Variants in DUSP16 observed in about 807,000 individuals in gnomAD.
DUSP16 encodes the protein dual specificity phosphatase 16, also known as dual specificity protein phosphatase 16.
Under a neutral mutation model 58.3 loss-of-function variants are expected in DUSP16, and 21 were observed. That is an observed-to-expected ratio of 0.36 (90% CI 0.26 to 0.52). The LOEUF (loss-of-function observed/expected upper bound fraction) is 0.52, where lower values mean the gene tolerates loss of function less well. Ranked by LOEUF, DUSP16 falls within the 20% of genes least tolerant of loss-of-function variation. The pLI, the probability that DUSP16 is intolerant of heterozygous loss-of-function variation, is 0.94. For missense variants in DUSP16, 726 were observed against 819.0 expected, an observed-to-expected ratio of 0.89 and a Z score of 1.39; for synonymous variants, 320 against 323.8, an observed-to-expected ratio of 0.99 and a Z score of 0.12.
intron 3 of DUSP16, among the ~76,000 whole-genome samples, chr12:12,509,772 T>A (rs187940652): frequency 3.4e-4 from 52 of 152,276 alleles, no homozygotes; most frequent in Non-Finnish European, 2.9e-4. Flanking sequence ...AATGAATAGC[T>A]GTTGATGGAC....
At chr12:12,525,019 T>A (rs1944284038) in intron 1 of DUSP16, among the ~76,000 whole-genome samples, 1 of 152,202 alleles carries the variant, frequency 6.6e-6, no homozygotes, top group Non-Finnish European at 1.5e-5. Context: ...GTAACAACTT[T>A]TAGTAGTCTC....
chr12:12,504,420 C>T (rs532319572), intron 3 of DUSP16, among the ~76,000 whole-genome samples: 1 of 152,116 alleles, frequency 6.6e-6, no homozygotes, highest in East Asian at 1.9e-4. Context: ...CACCACCACG[C>T]CCAGCTAATT....
chr12:12,533,080 G>A (rs1433841142), intron 1 of DUSP16, among the ~76,000 whole-genome samples: 1 of 152,138 alleles, frequency 6.6e-6, no homozygotes, highest in African/African-American at 2.4e-5. Context: ...GGTGGGGGAA[G>A]TGAGAAAAAT....
chr12:12,525,989 C>G (rs1332251355), intron 1 of DUSP16, among the ~76,000 whole-genome samples: 10 of 152,042 alleles, frequency 6.6e-5, no homozygotes, highest in Non-Finnish European at 1.3e-4. Context: ...TAAAGGATAA[C>G]CTAAAGTCAG....
At chr12:12,484,616 A>AT (rs1291500853) in intron 5 of DUSP16, among the ~76,000 whole-genome samples, 1 of 151,732 alleles carries the variant, frequency 6.6e-6, no homozygotes, top group Non-Finnish European at 1.5e-5. Flanking sequence ...ACCGTAATTT[A>AT]TTTTTTTTAT....
chr12:12,556,651 A>G (rs1944810681), intron 1 of DUSP16, among the ~76,000 whole-genome samples: 1 of 152,228 alleles, frequency 6.6e-6, no homozygotes, highest in African/African-American at 2.4e-5. Context: ...TCAGAAGAAC[A>G]AAATGTGCCC....
chr12:12,544,831 TTC>T (rs1421507409), intron 1 of DUSP16, among the ~76,000 whole-genome samples: 2 of 152,202 alleles, frequency 1.3e-5, no homozygotes, highest in Non-Finnish European at 2.9e-5. Context: ...AAAATTAGTT[TTC>T]TTTTTCTTTT....
At chr12:12,545,015 G>A (rs1219139149) in intron 1 of DUSP16, among the ~76,000 whole-genome samples, 1 of 152,068 alleles carries the variant, frequency 6.6e-6, no homozygotes. Context: ...TCAATAGTGT[G>A]AATCCTACAA....
intron 6 of DUSP16, among the ~76,000 whole-genome samples, chr12:12,479,985 T>C (rs1162789350): frequency 2.0e-5 from 3 of 152,216 alleles, no homozygotes; most frequent in Non-Finnish European, 4.4e-5. Flanking sequence ...CTGTTGTTCC[T>C]TAAACATAAA....
Position 12,511,831 on chromosome 12 carries a change from G to A in DUSP16, c.367+8031C>T, listed in dbSNP as rs181458059. ...CCCATCAAATATTGAGAGGCTGAGT[G>A]AGTGAAAGGGCTGAAGAATATGCTG... On this transcript the variant is annotated intron_variant, in intron 3 of 6. Transcript: ENST00000298573. 1.4e-3 allele frequency among the ~76,000 whole-genome samples: 212 copies of A among 151,816 alleles called. 1 individual carries two copies. Among genetic ancestry groups the A allele is most frequent in the Non-Finnish European group, 3.2e-4 (22 of 67,928 alleles).
chr12:12,540,267 G>C (rs1344501541), intron 1 of DUSP16, among the ~76,000 whole-genome samples: 4 of 152,022 alleles, frequency 2.6e-5, no homozygotes, highest in Non-Finnish European at 5.9e-5. Flanking sequence ...GGGAGATAGA[G>C]GTTGCAGTGA....
In DUSP16 at chr12:12,476,303, T is replaced by G. The variant is rs975438479; in HGVS notation, c.*530A>C. 6.5e-6 allele frequency: 1 copy of G among 153,386 alleles called. No homozygotes were observed. Among genetic ancestry groups the G allele is most frequent in the Non-Finnish European group, 1.5e-5 (1 of 68,678 alleles). The allele number at this position is 153,386 out of a possible 1,614,324, so 9.5% of individuals were successfully genotyped here. ...TCCGTCCAGCAGAGTGATGCTCGTG[T>G]CCCTCGGCTGTCAGGTGAGCGTGGG... On this transcript the variant is annotated 3_prime_UTR_variant, in exon 7 of 7. Transcript: ENST00000298573.
intron 1 of DUSP16, among the ~76,000 whole-genome samples, chr12:12,533,817 T>TC (rs1238314380): frequency 2.0e-5 from 3 of 152,240 alleles, no homozygotes; most frequent in African/African-American, 7.2e-5. Context: ...CACTTGACAT[T>TC]CCCCAAGCCT....
At chr12:12,512,907 G>A (rs753597139) in intron 3 of DUSP16, among the ~76,000 whole-genome samples, 1 of 152,214 alleles carries the variant, frequency 6.6e-6, no homozygotes, top group African/African-American at 2.4e-5. Context: ...CTAGATAACA[G>A]AATTTATGGT....
Position 12,500,560 on chromosome 12 carries a change from G to A in DUSP16, c.490C>T (p.Pro164Ser). 1 of 1,611,924 alleles carries A rather than the reference G, an allele frequency of 6.2e-7. No homozygotes were observed. The highest frequency in any genetic ancestry group is 8.5e-7 in the Non-Finnish European group (1 of 1,179,134). ...VANIGPTRIL[P>S]NLYLGCQRDV... ...CGCTGGCAGCCAAGATAAAGATTGG[G>A]AAGAATTCGGGTTGGCCCAATGTTG... The change falls in exon 4 of 7, where the codon CCC becomes TCC. Residue 164 changes from proline (P) to serine (S), a missense_variant. Pro to Ser is a moderately conservative substitution (Grantham distance 74). Coordinates refer to ENST00000298573, the MANE Select transcript of DUSP16 (RefSeq NM_030640.3).
Position 12,476,805 on chromosome 12 carries a change from T to C in DUSP16, c.*28A>G, listed in dbSNP as rs376039829. 7.9e-6 allele frequency: 12 copies of C among 1,527,738 alleles called. No homozygotes were observed. Among genetic ancestry groups the C allele is most frequent in the Non-Finnish European group, 1.0e-5 (12 of 1,146,500 alleles). 94.6% of individuals were successfully genotyped at this position (1,527,738 alleles called of 1,614,324 possible). ...TTTTGTGAACAAGAAAAAAAAATTG[T>C]CTATAGAAGTCACAAGTGTCTTTCT... On this transcript the variant is annotated 3_prime_UTR_variant, in exon 7 of 7. Transcript: ENST00000298573.
rs1275293274 is a variant in DUSP16, at chr12:12,521,321, C to T, written c.-223G>A. The T allele has an allele frequency of 7.1e-7, 1 of 1,408,736 alleles. No individual in the cohort carries two copies. Among genetic ancestry groups the T allele is most frequent in the Non-Finnish European group, 9.2e-7 (1 of 1,083,450 alleles). The allele number at this position is 1,408,736 out of a possible 1,614,324, so 87.3% of individuals were successfully genotyped here. On this transcript the variant is annotated 5_prime_UTR_variant, in exon 2 of 7. In the 5' UTR this introduces an upstream ATG that the reference lacks. Coordinates refer to ENST00000298573, the MANE Select transcript of DUSP16 (RefSeq NM_030640.3). The stretch of plus-strand genomic sequence containing the variant: ...GTGCTCTTGCAAAGGACTCCGTCCA[C>T]AAAGCAGCCCCTCACATTTGATTCA...
chr12:12,513,028 G>A (rs150016639), intron 3 of DUSP16, among the ~76,000 whole-genome samples: 1 of 152,286 alleles, frequency 6.6e-6, no homozygotes, highest in East Asian at 1.9e-4. Context: ...TTATTACACA[G>A]AACTGTCATC....
chr12:12,520,921 G>A lies in DUSP16; in HGVS notation c.178C>T (p.Gln60Ter), dbSNP rs766220479. ...CSKLMKRRLQ[Q>*]DKVLITELIQ... ...AGCTCTGTAATTAACACTTTGTCCT[G>A]TTGCAACCTTCGCTTCATAAGCTTG... The change falls in exon 2 of 7, where the codon CAG becomes TAG. Residue 60 changes from glutamine (Q) to a stop codon, truncating the protein, a stop_gained. Coordinates refer to ENST00000298573, the MANE Select transcript of DUSP16 (RefSeq NM_030640.3). LOFTEE classifies it high-confidence loss of function. The A allele has an allele frequency of 6.2e-7, 1 of 1,614,078 alleles. No individual in the cohort carries two copies. Among genetic ancestry groups the A allele is most frequent in the Non-Finnish European group, 8.5e-7 (1 of 1,180,036 alleles).
Sources: allele counts gnomAD v4.1 joint callset (sites outside exome capture counted in the v4.1 genomes callset), GRCh38; gene constraint gnomAD v4.1.1; transcripts MANE v1.5; gene names NCBI Gene and HGNC (gene_info 2026-07-23, HGNC 2026-07-21).